The following LRP4 variants were observed in gnomAD, a reference collection of about 807,000 sequenced individuals.
LRP4 encodes LDL receptor related protein 4.
LRP4 carries 95 observed loss-of-function variants against 220.3 expected under a neutral mutation model. The observed-to-expected ratio is 0.43, with a 90% confidence interval of 0.37 to 0.51. LRP4 has a LOEUF of 0.51. Ranked by LOEUF, LRP4 falls within the 20% of genes least tolerant of loss-of-function variation. LRP4 has a pLI of 0.00. For synonymous variants in LRP4, 903 were observed against 954.6 expected (o/e 0.95, Z 1.00); for missense variants, 1,925 against 2,567.0 (o/e 0.75, Z 5.40).
At chr11:46,913,728 C>A (rs1482414645) in intron 1 of LRP4, among the ~76,000 whole-genome samples, 1 of 152,112 alleles carries the variant, frequency 6.6e-6, no homozygotes, top group African/African-American at 2.4e-5. Context: ...AGGCTGCATC[C>A]CTGACCACTT....
chr11:46,881,797 C>G lies in LRP4; in HGVS notation c.2719G>C (p.Gly907Arg). The change falls in exon 20 of 38, where the codon GGG becomes CGG. Residue 907 changes from glycine to arginine, a missense_variant. Gly to Arg is a moderately radical substitution (Grantham distance 125, BLOSUM62 -2). Coordinates refer to ENST00000378623, the MANE Select transcript of LRP4 (RefSeq NM_002334.4). ...TGGGACCCATAATCAATAGCTAACC[C>G]ATTAGGCCAGGTCAGATTAGAAGAG... Reference protein sequence around the residue: ...IISSNLTWPNGLAIDYGSQRL... With the variant: ...IISSNLTWPNRLAIDYGSQRL... The G allele has an allele frequency of 6.2e-7, 1 of 1,614,080 alleles. No individual in the cohort carries two copies. The highest frequency in any genetic ancestry group is 8.5e-7 in the Non-Finnish European group (1 of 1,180,038).
chr11:46,890,095 T>C lies in LRP4; in HGVS notation c.1941A>G (p.Thr647=), dbSNP rs1380755577. ...SQGLPHPFAI[T]VFEDSLYWTD... ...TCCAGTACAGGCTGTCTTCAAACACTGTGATGGCGAAGGGATGCGGGAGGC... is the reference window on the plus strand; with the variant it reads ...TCCAGTACAGGCTGTCTTCAAACACCGTGATGGCGAAGGGATGCGGGAGGC... The change falls in exon 15 of 38, where the codon ACA becomes ACG. Residue 647 remains threonine (T), a synonymous_variant. Coordinates refer to ENST00000378623, the MANE Select transcript of LRP4 (RefSeq NM_002334.4). This position sits in a 1 kb window ranked among gnomAD's most constrained non-coding sequence, Gnocchi z 5.3. 1 of 1,614,084 alleles carries C rather than the reference T, an allele frequency of 6.2e-7. No individual in the cohort carries two copies.
chr11:46,873,946 C>A lies in LRP4; in HGVS notation c.4230-353G>T. ...AGAAACGCAGATTTGTCAAAACCAA[C>A]CTGTGCATTTTTTAAAAGTTAAAAA... On this transcript the variant is annotated intron_variant, in intron 28 of 37. Coordinates refer to ENST00000378623, the MANE Select transcript of LRP4 (RefSeq NM_002334.4). This position sits in a 1 kb window ranked among gnomAD's most constrained non-coding sequence, Gnocchi z 4.2. The A allele has an allele frequency of 3.5e-6, 1 of 288,610 alleles. No homozygotes were observed. Among genetic ancestry groups the A allele is most frequent in the Non-Finnish European group, 6.4e-6 (1 of 155,140 alleles). The allele number at this position is 288,610 out of a possible 1,614,324, so 17.9% of individuals were successfully genotyped here.
At position 46,899,788 on chromosome 11, in the gene LRP4, A is replaced by G; in HGVS notation, c.430+75T>C. On this transcript the variant is annotated intron_variant, in intron 4 of 37. Transcript: ENST00000378623. This position sits in a 1 kb window ranked among gnomAD's most constrained non-coding sequence, Gnocchi z 5.9. ...TTGGAGGTTTGGCAGTGCTAGGGCC[A>G]TTGCTGCTATCTTCTCCCATGGCCA... The G allele has an allele frequency of 8.2e-7, 1 of 1,226,986 alleles. No individual in the cohort carries two copies. Among genetic ancestry groups the G allele is most frequent in the East Asian group, 2.3e-5 (1 of 43,120 alleles). The allele number at this position is 1,226,986 out of a possible 1,614,324, so 76.0% of individuals were successfully genotyped here.
In LRP4 at chr11:46,871,528, T is replaced by C; in HGVS notation, c.4689A>G (p.Thr1563=). 6.2e-7 allele frequency: 1 copy of C among 1,608,668 alleles called. No individual in the cohort carries two copies. The highest frequency in any genetic ancestry group is 8.5e-7 in the Non-Finnish European group (1 of 1,175,940). Residue 1563 remains threonine (T), a synonymous_variant, in exon 31 of 38, where the codon ACA becomes ACG. Transcript: ENST00000378623. The stretch of plus-strand genomic sequence containing the variant: ...TACCTCTCTCCTGAGCCAGTACCTG[T>C]GTGAGGGCAAAGGGGTGGGACACAT... ...VSHVSHPFAL[T]QQDRWIYWTD...
intron 1 of LRP4, among the ~76,000 whole-genome samples, chr11:46,917,530 G>T (rs1324463236): frequency 1.3e-5 from 2 of 152,208 alleles, no homozygotes; most frequent in African/African-American, 4.8e-5. Flanking sequence ...CCCGAGGGCT[G>T]GGACCCTGCC....
At chr11:46,902,254 G>A (rs927285282) in intron 2 of LRP4, among the ~76,000 whole-genome samples, 3 of 151,608 alleles carry the variant, frequency 2.0e-5, no homozygotes, top group Non-Finnish European at 4.4e-5. Flanking sequence ...AGCTACTCAG[G>A]AGGCTGAGGC....
Position 46,890,774 on chromosome 11 carries a change from A to G in LRP4, c.1698-280T>C, listed in dbSNP as rs1941406696. ...CTACACCTAACTAATTTTTTTTTGTAGTAGAGATGAGGTCTTGCTATGTTA... is the reference window on the plus strand; with the variant it reads ...CTACACCTAACTAATTTTTTTTTGTGGTAGAGATGAGGTCTTGCTATGTTA... On this transcript the variant is annotated intron_variant, in intron 13 of 37. Transcript: ENST00000378623. The surrounding 1 kb of genome is among the most constrained non-coding windows in gnomAD (Gnocchi z 5.3). Among the ~76,000 whole-genome samples the G allele has an allele frequency of 6.6e-6, 1 of 151,834 alleles. No individual in the cohort carries two copies. The highest frequency in any genetic ancestry group is 1.5e-5 in the Non-Finnish European group (1 of 67,940).
intron 1 of LRP4, among the ~76,000 whole-genome samples, chr11:46,911,829 G>A (rs1225862074): frequency 6.8e-6 from 1 of 146,946 alleles, no homozygotes; most frequent in African/African-American, 2.5e-5. Context: ...CCATCTGTAA[G>A]ATGGGAATCT....
At chr11:46,895,359 G>A (rs1427941406) in intron 10 of LRP4, 68 bp from the exon 11 acceptor site, 21 of 1,596,898 alleles carry the variant, frequency 1.3e-5, no homozygotes, top group African/African-American at 5.4e-5. Context: ...CCAGGCTGCC[G>A]AGCTGCTTTT....
At chr11:46,889,322 A>G in intron 16 of LRP4, 89 bp downstream of exon 16, 1 of 1,559,610 alleles carries the variant, frequency 6.4e-7, no homozygotes, top group South Asian at 1.1e-5. Context: ...TTTTCCCATG[A>G]CAGGCAATCC....
intron 1 of LRP4, among the ~76,000 whole-genome samples, chr11:46,915,703 C>G (rs545925080): frequency 6.6e-6 from 1 of 152,290 alleles, no homozygotes; most frequent in East Asian, 1.9e-4. Context: ...GCCACTGTGC[C>G]TGGCTAATTT....
Position 46,894,689 on chromosome 11 carries a change from C to T in LRP4, c.1440G>A (p.Glu480=), listed in dbSNP as rs1415377685. 9 of 1,614,122 alleles carry T rather than the reference C, an allele frequency of 5.6e-6. No individual in the cohort carries two copies. Among genetic ancestry groups the T allele is most frequent in the African/African-American group, 1.3e-5 (1 of 74,936 alleles). ...AIALDFHHRR[E]LVFWSDVTLD... ...GGGTGACATCTGACCAGAAGACAAGCTCGCGGCGGTGGTGGAAATCAAGGG... is the reference window on the plus strand; with the variant it reads ...GGGTGACATCTGACCAGAAGACAAGTTCGCGGCGGTGGTGGAAATCAAGGG... The change falls in exon 12 of 38, where the codon GAG becomes GAA. Residue 480 remains glutamate (E), a synonymous_variant. Coordinates refer to ENST00000378623, the MANE Select transcript of LRP4 (RefSeq NM_002334.4).
intron 34 of LRP4, among the ~76,000 whole-genome samples, chr11:46,866,066 T>C (rs1309078547): frequency 1.3e-5 from 2 of 151,888 alleles, no homozygotes; most frequent in Non-Finnish European, 2.9e-5. Flanking sequence ...GCTTTCAGAA[T>C]TGAAATCAAG....
intron 19 of LRP4, 38 bp downstream of exon 19, chr11:46,883,833 G>A (rs771626180): frequency 1.4e-6 from 2 of 1,449,810 alleles, no homozygotes; most frequent in Admixed American, 3.3e-5. Flanking sequence ...ATCTTGGGAG[G>A]GGTGGATGGA....
chr11:46,892,161 G>A (rs1178799711), intron 13 of LRP4, among the ~76,000 whole-genome samples: 1 of 152,084 alleles, frequency 6.6e-6, no homozygotes. Context: ...TTGAACTCCT[G>A]GACTCAAGTG....
chr11:46,876,590 CTTTCCGGCCAATG>C lies in LRP4; in HGVS notation c.3399_3411del (p.Ile1134TyrfsTer55). Reference sequence around the variant, plus strand: ...TTTGTTCCCGTGTCTGTCCAGTATACTTTCCGGCCAATGGCATCAACCGCGAGCCCATCTGTGG... The same window carrying C: ...TTTGTTCCCGTGTCTGTCCAGTATACGCATCAACCGCGAGCCCATCTGTGG... On this transcript the variant is annotated frameshift_variant, in exon 25 of 38. Transcript: ENST00000378623. LOFTEE classifies it high-confidence loss of function. The C allele has an allele frequency of 6.2e-7, 1 of 1,614,222 alleles. No homozygotes were observed. Among genetic ancestry groups the C allele is most frequent in the Non-Finnish European group, 8.5e-7 (1 of 1,180,048 alleles).
intron 1 of LRP4, among the ~76,000 whole-genome samples, chr11:46,905,353 C>T (rs1261931461): frequency 6.6e-6 from 1 of 152,182 alleles, no homozygotes; most frequent in African/African-American, 2.4e-5. Context: ...AATTCCACTC[C>T]ATGTGATGGG....
chr11:46,858,909 G>T lies in LRP4; in HGVS notation c.*74C>A. Reference sequence around the variant, plus strand: ...ACAAGCACACAGAAGCGGGGCCTGCGGTGTAAGCGAGCACAAGGACTAGAC... The same window carrying T: ...ACAAGCACACAGAAGCGGGGCCTGCTGTGTAAGCGAGCACAAGGACTAGAC... On this transcript the variant is annotated 3_prime_UTR_variant, in exon 38 of 38. Coordinates refer to ENST00000378623, the MANE Select transcript of LRP4 (RefSeq NM_002334.4). The T allele has an allele frequency of 4.3e-6, 6 of 1,384,210 alleles. No homozygotes were observed. Among genetic ancestry groups the T allele is most frequent in the Non-Finnish European group, 6.2e-6 (6 of 973,300 alleles). The allele number at this position is 1,384,210 out of a possible 1,614,324, so 85.7% of individuals were successfully genotyped here.
Sources: allele counts gnomAD v4.1 joint callset (sites outside exome capture counted in the v4.1 genomes callset), GRCh38; gene constraint gnomAD v4.1.1; non-coding constraint Gnocchi (gnomAD v3.1); transcripts MANE v1.5; gene names NCBI Gene and HGNC (gene_info 2026-07-23, HGNC 2026-07-21).